Variants in AQR observed in about 807,000 individuals in gnomAD.
AQR encodes aquarius intron-binding spliceosomal factor, also known as RNA helicase aquarius.
A neutral mutation model predicts 180.5 loss-of-function variants in AQR; 61 were observed. The ratio of observed to expected loss-of-function variants is 0.34; its 90% CI spans 0.28 to 0.42. The LOEUF is 0.42. Ranked by LOEUF, AQR falls within the 10% of genes least tolerant of loss-of-function variation. The pLI is 1.00. For missense variants in AQR, 1,281 were observed against 1,798.3 expected, an observed-to-expected ratio of 0.71 and a Z score of 5.20; for synonymous variants, 551 against 588.8, an observed-to-expected ratio of 0.94 and a Z score of 0.93.
At chr15:34,906,452 C>G (rs556984233) in intron 18 of AQR, 93 bp downstream of exon 18, 1 of 1,468,728 alleles carries the variant, frequency 6.8e-7, no homozygotes, top group African/African-American at 1.4e-5. Flanking sequence ...GGTAAAAGAA[C>G]TAAAAAATAT....
chr15:34,920,573 A>G, intron 13 of AQR, 139 bp from the exon 14 acceptor site: 2 of 673,116 alleles, frequency 3.0e-6, no homozygotes, highest in Non-Finnish European at 5.0e-6. Flanking sequence ...AGCAATGAAA[A>G]TTAAGGCTTT....
At position 34,853,980 on chromosome 15, in the gene AQR, G is replaced by A. The variant is rs1488344834; in HGVS notation, c.*2812C>T. 6.6e-6 allele frequency: 1 copy of A among 151,900 alleles called. No individual in the cohort carries two copies. Among genetic ancestry groups the A allele is most frequent in the Non-Finnish European group, 1.5e-5 (1 of 67,972 alleles). 9.4% of individuals were successfully genotyped at this position (151,900 alleles called of 1,614,324 possible). A position where few individuals can be genotyped will look rare whatever the true frequency, so the allele number is the denominator to read the frequency against. On this transcript the variant is annotated 3_prime_UTR_variant, in exon 35 of 35. Transcript: ENST00000156471. ...ATTACAAAATTTCATTTGTTTACAG[G>A]AGCACAAATGGCCTATTTATGCCTT...
chr15:34,921,765 T>C (rs777440443), intron 13 of AQR, among the ~76,000 whole-genome samples: 1 of 152,178 alleles, frequency 6.6e-6, no homozygotes, highest in East Asian at 1.9e-4. Context: ...TGTAATTTTA[T>C]CTTTTCCAGG....
At chr15:34,927,874 C>T (rs1285687901) in intron 12 of AQR, among the ~76,000 whole-genome samples, 1 of 152,078 alleles carries the variant, frequency 6.6e-6, no homozygotes, top group East Asian at 1.9e-4. Context: ...ACTCTGCAAC[C>T]CAAGCATGAG....
chr15:34,872,404 T>G (rs1892832076), intron 30 of AQR, among the ~76,000 whole-genome samples: 1 of 152,118 alleles, frequency 6.6e-6, no homozygotes, highest in Non-Finnish European at 1.5e-5. Flanking sequence ...CGCTAAAAAC[T>G]CATCTAGAGT....
At chr15:34,861,561 A>G (rs1235405628) in intron 33 of AQR, among the ~76,000 whole-genome samples, 1 of 152,208 alleles carries the variant, frequency 6.6e-6, no homozygotes, top group Admixed American at 6.5e-5. Flanking sequence ...CAGGTGTGAC[A>G]TGTAGCCCTT....
At chr15:34,865,075 A>G (rs992960677) in intron 32 of AQR, among the ~76,000 whole-genome samples, 1 of 152,204 alleles carries the variant, frequency 6.6e-6, no homozygotes, top group African/African-American at 2.4e-5. Flanking sequence ...TGGTAACATG[A>G]GTAGGCAGAG....
intron 5 of AQR, among the ~76,000 whole-genome samples, chr15:34,946,401 C>T (rs1894114206): frequency 6.6e-6 from 1 of 150,920 alleles, no homozygotes; most frequent in Non-Finnish European, 1.5e-5. Context: ...AGCCCCCCGC[C>T]CGGCCAGCCG....
intron 14 of AQR, among the ~76,000 whole-genome samples, chr15:34,919,238 C>CA (rs35127817): frequency 1.4e-3 from 158 of 111,198 alleles, no homozygotes; most frequent in South Asian, 8.7e-3. Flanking sequence ...GACTCCATCT[C>CA]AAAAAAAAAA....
rs575684476 is a variant in AQR, at chr15:34,896,818, C to T, written c.2460+79G>A. The T allele has an allele frequency of 9.2e-5, 119 of 1,299,838 alleles. No individual in the cohort carries two copies. The Middle Eastern group carries it at 2.5e-3, about 28-fold the overall frequency. The allele number at this position is 1,299,838 out of a possible 1,614,324, so 80.5% of individuals were successfully genotyped here. ...GAGCTGAGATCGCGCCACTGCACTC[C>T]GGCATGGGCAACAAAAGTGAAACTC... On this transcript the variant is annotated intron_variant, in intron 22 of 34. Coordinates refer to ENST00000156471, the MANE Select transcript of AQR (RefSeq NM_014691.3).
At chr15:34,946,245 C>G (rs924423573) in intron 5 of AQR, among the ~76,000 whole-genome samples, 2 of 152,230 alleles carry the variant, frequency 1.3e-5, no homozygotes, top group African/African-American at 4.8e-5. Flanking sequence ...GCACTCCAGC[C>G]TGGATAACAA....
At chr15:34,917,136 C>T (rs970643320) in intron 15 of AQR, among the ~76,000 whole-genome samples, 3 of 152,068 alleles carry the variant, frequency 2.0e-5, no homozygotes, top group African/African-American at 7.2e-5. Flanking sequence ...CATGAGAAAG[C>T]AACATATTAA....
At position 34,851,816 on chromosome 15, in the gene AQR, A is replaced by G. The variant is rs187742415; in HGVS notation, c.*4976T>C. On this transcript the variant is annotated 3_prime_UTR_variant, in exon 35 of 35. Transcript: ENST00000156471. ...CAAACTCTTCTTTTACTGCATAAGA[A>G]ATGAGAAGAAAAACTTAGTGTGAAA... The G allele has an allele frequency of 1.3e-5, 2 of 152,362 alleles. 1 individual carries two copies. The highest frequency in any genetic ancestry group is 3.9e-4 in the East Asian group (2 of 5,192). 9.4% of individuals were successfully genotyped at this position (152,362 alleles called of 1,614,324 possible).
intron 16 of AQR, among the ~76,000 whole-genome samples, chr15:34,914,401 C>G (rs1893548291): frequency 1.3e-5 from 2 of 152,142 alleles, no homozygotes; most frequent in Non-Finnish European, 2.9e-5. Flanking sequence ...CATGAGCTAG[C>G]AGGTGGGGAG....
intron 4 of AQR, among the ~76,000 whole-genome samples, chr15:34,951,975 T>C (rs910512881): frequency 6.6e-6 from 1 of 152,188 alleles, no homozygotes; most frequent in Non-Finnish European, 1.5e-5. Context: ...AATAATACAG[T>C]CCTTAGGATA....
chr15:34,943,579 C>T (rs1183291691), intron 6 of AQR, among the ~76,000 whole-genome samples: 1 of 151,940 alleles, frequency 6.6e-6, no homozygotes, highest in African/African-American at 2.4e-5. Flanking sequence ...TACATGGAAA[C>T]AGGTAATAAT....
At chr15:34,947,522 T>TA (rs1566995497) in intron 5 of AQR, among the ~76,000 whole-genome samples, 12 of 142,346 alleles carry the variant, frequency 8.4e-5, no homozygotes, top group African/African-American at 2.8e-4. Context: ...AAAATAATAA[T>TA]AATAATAATA....
chr15:34,944,419 T>C lies in AQR; in HGVS notation c.340A>G (p.Lys114Glu). ...AAGAATGGGAAGTGGTCTGGCTTCT[T>C]CTTAAAAATCTGAAAAGAAACAGAA... Reference protein sequence around the residue: ...ENVPAWEIFKKKPDHFPFFFK... With the variant: ...ENVPAWEIFKEKPDHFPFFFK... Residue 114 changes from lysine to glutamate, a missense_variant, in exon 6 of 35, where the codon AAG (lysine) becomes GAG (glutamate). Transcript: ENST00000156471. The C allele has an allele frequency of 6.3e-7, 1 of 1,592,638 alleles. No homozygotes were observed. The highest frequency in any genetic ancestry group is 8.5e-7 in the Non-Finnish European group (1 of 1,173,904).
chr15:34,932,356 G>A lies in AQR; in HGVS notation c.862C>T (p.Leu288Phe), dbSNP rs759907394. Residue 288 changes from leucine (L) to phenylalanine (F), a missense_variant, in exon 11 of 35, where the codon CTT (leucine) becomes TTT (phenylalanine). Physicochemically the swap from Leu to Phe is conservative, Grantham distance 22. Around this residue, in one of 9 missense-constraint regions of AQR, gnomAD observed 404 missense variants for 490.9 expected, o/e 0.82. Transcript: ENST00000156471. ...TGGCCATCCTCTTCTCTACGAACAAGATTGGAAAGGTAACAGTGAACCAGA... is the reference window on the plus strand; with the variant it reads ...TGGCCATCCTCTTCTCTACGAACAAAATTGGAAAGGTAACAGTGAACCAGA... ...HLLVHCYLSN[L>F]VRREEDGHLF... 6.2e-7 allele frequency: 1 copy of A among 1,613,876 alleles called. No homozygotes were observed. The highest frequency in any genetic ancestry group is 8.5e-7 in the Non-Finnish European group (1 of 1,179,860).
Sources: gnomAD v4.1 joint callset for allele counts (sites outside exome capture counted in the v4.1 genomes callset) on GRCh38, gnomAD v4.1.1 for gene constraint, gnomAD v4.1.1 regional missense constraint, MANE v1.5 for transcripts, NCBI Gene and HGNC (gene_info 2026-07-23, HGNC 2026-07-21) for gene names.